The following PET117 variants were observed in gnomAD, a reference collection of about 807,000 sequenced individuals.
The protein encoded by PET117 is PET117 cytochrome c oxidase chaperone.
PET117 carries 10 observed loss-of-function variants against 9.2 expected under a neutral mutation model. That is an observed-to-expected ratio of 1.09 (90% confidence interval 0.67 to 1.85). PET117 has a LOEUF of 1.85. Ranked by LOEUF, PET117 falls within the 40% of genes most tolerant of loss-of-function variation. PET117 has a pLI of 0.00. For missense variants in PET117, 96 were observed against 98.2 expected, an observed-to-expected ratio of 0.98 and a Z score of 0.09; for synonymous variants, 43 against 37.1, an observed-to-expected ratio of 1.16 and a Z score of -0.57.
intron 1 of PET117, among the ~76,000 whole-genome samples, chr20:18,140,772 A>G (rs1459613048): frequency 7.2e-6 from 1 of 139,014 alleles, no homozygotes; most frequent in Non-Finnish European, 1.5e-5. Flanking sequence ...AGATCGTGCC[A>G]TGGAGCCAAG....
intron 1 of PET117, among the ~76,000 whole-genome samples, chr20:18,140,818 C>CAAAAAAAAAAAAAAA (rs1157203058): frequency 3.8e-5 from 3 of 79,068 alleles, no homozygotes; most frequent in African/African-American, 5.1e-5. Flanking sequence ...GACTCCTTCT[C>CAAAAAAAAAAAAAAA]AAAAAAAAAA....
At chr20:18,139,624 C>T (rs2037444219) in intron 1 of PET117, among the ~76,000 whole-genome samples, 2 of 136,754 alleles carry the variant, frequency 1.5e-5, no homozygotes, top group Non-Finnish European at 3.2e-5. Context: ...AGCTGAAGAA[C>T]CAAAATAACG....
chr20:18,139,064 T>G (rs766396704), intron 1 of PET117, among the ~76,000 whole-genome samples: 13 of 152,346 alleles, frequency 8.5e-5, no homozygotes, highest in Middle Eastern at 3.4e-3. Flanking sequence ...CTGTGCTATG[T>G]GCTTGATATA....
chr20:18,138,800 A>G (rs1464081174), intron 1 of PET117, among the ~76,000 whole-genome samples: 2 of 152,140 alleles, frequency 1.3e-5, no homozygotes, highest in Non-Finnish European at 2.9e-5. Flanking sequence ...TCAAGTTGAC[A>G]GACCTTTAAT....
chr20:18,142,647 G>A lies in PET117; in HGVS notation c.*290G>A. On this transcript the variant is annotated 3_prime_UTR_variant, in exon 2 of 2. Transcript: ENST00000432901. ...GTTACTGAGAAGCACTGCCGAGCTT[G>A]TGAGAAGGAAGGGATGGATAGTAGC... The A allele has an allele frequency of 6.2e-7, 1 of 1,613,706 alleles. No homozygotes were observed. The highest frequency in any genetic ancestry group is 8.5e-7 in the Non-Finnish European group (1 of 1,179,620).
chr20:18,141,047 A>ATTTTT (rs59461611), intron 1 of PET117, among the ~76,000 whole-genome samples: 13 of 92,842 alleles, frequency 1.4e-4, no homozygotes, highest in African/African-American at 5.3e-4. Context: ...TTTTTTTTTT[A>ATTTTT]TTTTTATTTT....
intron 1 of PET117, among the ~76,000 whole-genome samples, chr20:18,139,118 CTG>C (rs1048172485): frequency 9.2e-5 from 14 of 152,078 alleles, no homozygotes; most frequent in Non-Finnish European, 1.6e-4. Context: ...TGTTCACAGA[CTG>C]TGGAAATTAG....
At chr20:18,139,357 G>A (rs757042665) in intron 1 of PET117, among the ~76,000 whole-genome samples, 1 of 152,172 alleles carries the variant, frequency 6.6e-6, no homozygotes, top group African/African-American at 2.4e-5. Context: ...ATGATCTGAC[G>A]TCAGTGAAGT....
chr20:18,142,156 A>T, intron 1 of PET117, 52 bp from the exon 2 acceptor site: 1 of 1,509,622 alleles, frequency 6.6e-7, no homozygotes, highest in Non-Finnish European at 8.8e-7. Context: ...TGGCACAAGG[A>T]TGGGGACCAC....
chr20:18,140,216 G>A (rs1355010923), intron 1 of PET117, among the ~76,000 whole-genome samples: 1 of 151,986 alleles, frequency 6.6e-6, no homozygotes, highest in Non-Finnish European at 1.5e-5. Context: ...GGTGTAAGAA[G>A]CACAGGACAG....
intron 1 of PET117, among the ~76,000 whole-genome samples, chr20:18,140,886 C>T (rs1457395350): frequency 2.0e-5 from 3 of 147,914 alleles, no homozygotes; most frequent in Non-Finnish European, 3.0e-5. Context: ...TGAGATGGGG[C>T]TTGTTCTGTC....
chr20:18,138,444 G>A, intron 1 of PET117: 1 of 997,784 alleles, frequency 1.0e-6, no homozygotes. Context: ...GAAAATAGAA[G>A]GTGGGGAAGG....
In PET117 at chr20:18,137,879, G is replaced by C. The variant is rs1600210228; in HGVS notation, c.-77G>C. 1.4e-6 allele frequency: 2 copies of C among 1,386,954 alleles called. No individual in the cohort carries two copies. The highest frequency in any genetic ancestry group is 1.5e-5 in the South Asian group (1 of 68,246). The allele number at this position is 1,386,954 out of a possible 1,614,324, so 85.9% of individuals were successfully genotyped here. A position where few individuals can be genotyped will look rare whatever the true frequency, so the allele number is the denominator to read the frequency against. On this transcript the variant is annotated 5_prime_UTR_variant, in exon 1 of 2. Coordinates refer to ENST00000432901, the MANE Select transcript of PET117 (RefSeq NM_001164811.2). Reference sequence around the variant, plus strand: ...CGAGGGGTCGAGCCTGGGCAGTACAGGCGGCGGTGCGCACTCTGCGGCGGC... The same window carrying C: ...CGAGGGGTCGAGCCTGGGCAGTACACGCGGCGGTGCGCACTCTGCGGCGGC...
At chr20:18,138,330 G>A in intron 1 of PET117, 1 of 1,129,398 alleles carries the variant, frequency 8.9e-7, no homozygotes, top group Non-Finnish European at 1.1e-6. Flanking sequence ...GCCTTGCTCC[G>A]CACAGGCACG....
chr20:18,141,403 A>G (rs2037572296), intron 1 of PET117, among the ~76,000 whole-genome samples: 1 of 152,086 alleles, frequency 6.6e-6, no homozygotes, highest in Admixed American at 6.6e-5. Flanking sequence ...TAATTAATTA[A>G]TAATTCTGCA....
At chr20:18,138,334 A>AGGCAC in intron 1 of PET117, 3 of 1,122,944 alleles carry the variant, frequency 2.7e-6, no homozygotes, top group Non-Finnish European at 2.2e-6. Context: ...TGCTCCGCAC[A>AGGCAC]GGCACGGCAC....
At chr20:18,141,038 T>G (rs1424230928) in intron 1 of PET117, among the ~76,000 whole-genome samples, 1,027 of 31,600 alleles carry the variant, frequency 0.033, 19 homozygotes, top group South Asian at 0.11. Context: ...TTTTTTTTTT[T>G]TTTTTTTTAT....
intron 1 of PET117, among the ~76,000 whole-genome samples, chr20:18,139,790 A>T (rs186173634): frequency 6.6e-6 from 1 of 152,114 alleles, no homozygotes. Flanking sequence ...AGGTTCAAGG[A>T]AGCAAGAAAT....
chr20:18,138,126 G>T (rs2037366730), intron 1 of PET117, 75 bp downstream of exon 1: 13 of 1,386,746 alleles, frequency 9.4e-6, no homozygotes, highest in Admixed American at 3.4e-5. Context: ...GTCTCTGCCC[G>T]CTCGGTTCCT....
Sources: gnomAD v4.1 joint callset for allele counts (sites outside exome capture counted in the v4.1 genomes callset) on GRCh38, gnomAD v4.1.1 for gene constraint, MANE v1.5 for transcripts, NCBI Gene and HGNC (gene_info 2026-07-23, HGNC 2026-07-21) for gene names.